The following KCNK9 variants were observed in gnomAD, a reference collection of about 807,000 sequenced individuals.
KCNK9 encodes the protein potassium channel subfamily K member 9.
A neutral mutation model predicts 10.8 loss-of-function variants in KCNK9; 1 was observed. That is an observed-to-expected ratio of 0.09 (90% confidence interval 0.03 to 0.44). The LOEUF (loss-of-function observed/expected upper bound fraction) is 0.44, where lower values mean the gene tolerates loss of function less well. Ranked by LOEUF, KCNK9 falls within the 20% of genes least tolerant of loss-of-function variation. KCNK9 has a pLI of 0.97. For synonymous variants in KCNK9, 231 were observed against 222.7 expected, an observed-to-expected ratio of 1.04 and a Z score of -0.33; for missense variants, 303 against 515.0, an observed-to-expected ratio of 0.59 and a Z score of 3.98.
At chr8:139,674,964 C>G (rs1816517345) in intron 1 of KCNK9, among the ~76,000 whole-genome samples, 1 of 152,246 alleles carries the variant, frequency 6.6e-6, no homozygotes, top group Middle Eastern at 3.4e-3. Context: ...GCCTCACTGA[C>G]AAGAGACACA....
intron 1 of KCNK9, among the ~76,000 whole-genome samples, chr8:139,656,372 G>A (rs575311584): frequency 9.2e-5 from 14 of 152,286 alleles, no homozygotes; most frequent in Admixed American, 6.5e-4. Flanking sequence ...GCTCTCGGAC[G>A]CCCCTGCTGT....
intron 1 of KCNK9, among the ~76,000 whole-genome samples, chr8:139,643,932 C>T (rs534320009): frequency 1.3e-5 from 2 of 152,350 alleles, no homozygotes; most frequent in African/African-American, 2.4e-5. Flanking sequence ...CCCTGGAATC[C>T]AGCTCTCTGG....
At chr8:139,641,832 A>C (rs1267435111) in intron 1 of KCNK9, among the ~76,000 whole-genome samples, 1 of 152,160 alleles carries the variant, frequency 6.6e-6, no homozygotes, top group Non-Finnish European at 1.5e-5. Flanking sequence ...AGTGTGGCTG[A>C]GGACTGGGCC....
intron 1 of KCNK9, among the ~76,000 whole-genome samples, chr8:139,641,630 G>GCCC (rs10571858): frequency 2.8e-4 from 42 of 151,616 alleles, no homozygotes; most frequent in African/African-American, 1.0e-3. Context: ...GCTCTGGCCT[G>GCCC]CCCCCCCCCC....
At chr8:139,641,246 T>C (rs1272194470) in intron 1 of KCNK9, among the ~76,000 whole-genome samples, 2 of 152,162 alleles carry the variant, frequency 1.3e-5, no homozygotes, top group African/African-American at 4.8e-5. Context: ...CATTCATACC[T>C]TGCAGCTGCA....
downstream of KCNK9, among the ~76,000 whole-genome samples, chr8:139,614,685 GC>G (rs1814527228): frequency 6.6e-6 from 1 of 152,218 alleles, no homozygotes; most frequent in South Asian, 2.1e-4. Flanking sequence ...CAGGCTGAAG[GC>G]CAACACAGCA....
In KCNK9 at chr8:139,697,072, C is replaced by T. The variant is rs146535691; in HGVS notation, c.283+5638G>A. Among the ~76,000 whole-genome samples, 145 of 143,038 alleles carry T rather than the reference C, an allele frequency of 1.0e-3. 2 individuals are homozygous for T. In the East Asian group the frequency reaches 0.015, roughly 15 times the overall value. The allele number at this position is 143,038 out of a possible 152,430, so 93.8% of individuals were successfully genotyped here. A position where few individuals can be genotyped will look rare whatever the true frequency, so the allele number is the denominator to read the frequency against. ...CATGGTGAATGAATGGATTGATGGACGGGTGGACGGGTGGGTGAACAGATG... is the reference window on the plus strand; with the variant it reads ...CATGGTGAATGAATGGATTGATGGATGGGTGGACGGGTGGGTGAACAGATG... On this transcript the variant is annotated intron_variant, in intron 1 of 1. Transcript: ENST00000520439.
chr8:139,622,211 G>A (rs1441174821), intron 1 of KCNK9, among the ~76,000 whole-genome samples: 1 of 152,192 alleles, frequency 6.6e-6, no homozygotes, highest in Non-Finnish European at 1.5e-5. Context: ...ACAGCGCTGA[G>A]GTTCAGGGGT....
intron 1 of KCNK9, among the ~76,000 whole-genome samples, chr8:139,687,195 A>T (rs537807561): frequency 5.3e-5 from 8 of 151,778 alleles, no homozygotes; most frequent in Admixed American, 4.6e-4. Context: ...AGAGCCAAAC[A>T]TTTCATCCTC....
At chr8:139,607,278 G>A (rs1385799291) in intron 2 of KCNK9, among the ~76,000 whole-genome samples, 1 of 152,188 alleles carries the variant, frequency 6.6e-6, no homozygotes, top group Non-Finnish European at 1.5e-5. Flanking sequence ...GCATCAGGGA[G>A]GCTGTGGTCC....
At chr8:139,662,861 AGGGGTGGGGGAAGGGGG>A (rs1412547506) in intron 1 of KCNK9, among the ~76,000 whole-genome samples, 3 of 2,734 alleles carry the variant, frequency 1.1e-3, no homozygotes, top group African/African-American at 4.7e-3. Flanking sequence ...GAGGAAGGGG[AGGGGTGGGGGAAGGGGG>A]GGGGGCTGGA....
chr8:139,626,322 G>C (rs1335145207), intron 1 of KCNK9, among the ~76,000 whole-genome samples: 2 of 152,166 alleles, frequency 1.3e-5, no homozygotes, highest in African/African-American at 2.4e-5. Flanking sequence ...GAGGTAGACA[G>C]AGCAGGGCCT....
intron 1 of KCNK9, among the ~76,000 whole-genome samples, chr8:139,630,955 G>C (rs1262799679): frequency 6.6e-6 from 1 of 152,260 alleles, no homozygotes; most frequent in Non-Finnish European, 1.5e-5. Flanking sequence ...GGAGCCGAAT[G>C]GTCCGCTAGG....
intron 1 of KCNK9, among the ~76,000 whole-genome samples, chr8:139,669,551 G>A (rs1440821539): frequency 5.3e-5 from 8 of 152,198 alleles, no homozygotes; most frequent in Admixed American, 2.6e-4. Context: ...CCATTAGTTT[G>A]ATCATGAGAT....
intron 1 of KCNK9, among the ~76,000 whole-genome samples, chr8:139,674,978 C>T (rs541979572): frequency 3.0e-4 from 45 of 152,240 alleles, no homozygotes; most frequent in African/African-American, 9.9e-4. Context: ...AGACACAGTT[C>T]CGAGTGTCTG....
rs1160611322 is a variant in KCNK9 at position 139,693,244 on chromosome 8, C to T, written c.283+9466G>A. 6.6e-6 allele frequency among the ~76,000 whole-genome samples: 1 copy of T among 152,164 alleles called. No homozygotes were observed. The highest frequency in any genetic ancestry group is 1.5e-5 in the Non-Finnish European group (1 of 68,040). On this transcript the variant is annotated intron_variant, in intron 1 of 1. Coordinates refer to ENST00000520439, the MANE Select transcript of KCNK9 (RefSeq NM_001282534.2). This position sits in a 1 kb window ranked among gnomAD's most constrained non-coding sequence, Gnocchi z 4.1. ...GTAGGCATCTCTTCCTGCCAGATGC[C>T]CTGCAGACTCACAGAGGCCTGGCGC...
In KCNK9 at chr8:139,621,878, CTTA is replaced by C. The variant is rs548235985; in HGVS notation, c.284-2782_284-2780del. ...AATAACAGGAGGTTGTTGGAAACTTCTTATTAAGTGGTAATGTTCCACATGTGA... is the reference window on the plus strand; with the variant it reads ...AATAACAGGAGGTTGTTGGAAACTTCTTAAGTGGTAATGTTCCACATGTGA... On this transcript the variant is annotated intron_variant, in intron 1 of 1. Transcript: ENST00000520439. Among the ~76,000 whole-genome samples the C allele has an allele frequency of 2.4e-3, 358 of 152,322 alleles. 1 individual carries two copies. Among genetic ancestry groups the C allele is most frequent in the Non-Finnish European group, 3.3e-3 (224 of 68,018 alleles).
At chr8:139,601,627 A>G (rs1817372170) in intron 2 of KCNK9, 1 of 152,212 alleles carries the variant, frequency 6.6e-6, no homozygotes, top group South Asian at 2.1e-4. Context: ...AACACAAAGA[A>G]TTGAAAGTGA....
At chr8:139,652,485 G>C (rs1159004591) in intron 1 of KCNK9, among the ~76,000 whole-genome samples, 1 of 152,056 alleles carries the variant, frequency 6.6e-6, no homozygotes, top group African/African-American at 2.4e-5. Context: ...ATGCATGTGG[G>C]GTCCTTCCCT....
Sources: allele counts gnomAD v4.1 joint callset (sites outside exome capture counted in the v4.1 genomes callset), GRCh38; gene constraint gnomAD v4.1.1; non-coding constraint Gnocchi (gnomAD v3.1); transcripts MANE v1.5; gene names NCBI Gene and HGNC (gene_info 2026-07-23, HGNC 2026-07-21).